Variants in DCLRE1A observed in about 807,000 individuals in gnomAD.
DCLRE1A encodes the protein DNA cross-link repair 1A protein.
DCLRE1A carries 64 observed loss-of-function variants against 91.9 expected under a neutral mutation model. That is an observed-to-expected ratio of 0.70 (90% CI 0.57 to 0.86). The LOEUF is 0.86. Among genes scored for constraint, DCLRE1A ranks in the 40% least tolerant of loss-of-function variants. The pLI, the probability that DCLRE1A is intolerant of heterozygous loss-of-function variation, is 0.00. For missense variants in DCLRE1A, 1,145 were observed against 1,213.3 expected (o/e 0.94, Z 0.84); for synonymous variants, 416 against 431.1 (o/e 0.96, Z 0.43).
At chr10:113,851,879 T>C (rs1214262183) in intron 1 of DCLRE1A, among the ~76,000 whole-genome samples, 1 of 152,232 alleles carries the variant, frequency 6.6e-6, no homozygotes, top group South Asian at 2.1e-4. Flanking sequence ...GGCTAATTTT[T>C]GGTAATTTTT....
intron 1 of DCLRE1A, among the ~76,000 whole-genome samples, chr10:113,851,788 T>G (rs1845654009): frequency 6.6e-6 from 1 of 151,812 alleles, no homozygotes; most frequent in African/African-American, 2.4e-5. Context: ...TGCCCTGGCA[T>G]GATCACAGGG....
At chr10:113,842,228 G>T (rs1845455887) in intron 6 of DCLRE1A, 115 bp downstream of exon 6, 3 of 899,598 alleles carry the variant, frequency 3.3e-6, no homozygotes, top group South Asian at 3.1e-5. Flanking sequence ...AGGTAATATT[G>T]AATCATTACA....
At chr10:113,839,709 G>A (rs1478754303) in intron 7 of DCLRE1A, among the ~76,000 whole-genome samples, 1 of 152,108 alleles carries the variant, frequency 6.6e-6, no homozygotes, top group Non-Finnish European at 1.5e-5. Context: ...TAGTGGGCAG[G>A]AGGTCAGTAA....
intron 5 of DCLRE1A, among the ~76,000 whole-genome samples, chr10:113,843,894 A>G (rs939992903): frequency 1.1e-4 from 17 of 152,272 alleles, no homozygotes; most frequent in Non-Finnish European, 2.9e-5. Context: ...TTTCAAAAAT[A>G]AATCACACAA....
intron 4 of DCLRE1A, among the ~76,000 whole-genome samples, chr10:113,844,924 G>GA (rs1398962065): frequency 7.1e-6 from 1 of 141,254 alleles, no homozygotes; most frequent in African/African-American, 2.7e-5. Context: ...CAAAAAAAGC[G>GA]AAACTCTGTC....
chr10:113,836,122 T>G (rs1482288786), intron 8 of DCLRE1A, among the ~76,000 whole-genome samples: 1 of 152,172 alleles, frequency 6.6e-6, no homozygotes, highest in Non-Finnish European at 1.5e-5. Context: ...CAGTCATGCT[T>G]CTTGTTAAGC....
intron 3 of DCLRE1A, 151 bp from the exon 4 acceptor site, chr10:113,845,954 T>C: frequency 1.4e-6 from 1 of 739,080 alleles, no homozygotes; most frequent in Admixed American, 2.2e-5. Flanking sequence ...TTTCCTATAA[T>C]GGCTGTGCCA....
chr10:113,852,466 T>C (rs1345484847), intron 1 of DCLRE1A, among the ~76,000 whole-genome samples: 1 of 152,258 alleles, frequency 6.6e-6, no homozygotes, highest in Non-Finnish European at 1.5e-5. Context: ...GTACCCAGCA[T>C]AGTAAGGATT....
At chr10:113,852,162 C>T (rs1474320349) in intron 1 of DCLRE1A, among the ~76,000 whole-genome samples, 2 of 152,128 alleles carry the variant, frequency 1.3e-5, no homozygotes, top group East Asian at 1.9e-4. Context: ...CGGCGAAACC[C>T]CGTCTCTACT....
At position 113,844,181 on chromosome 10, in the gene DCLRE1A, T is replaced by TCC; in HGVS notation, c.2440_2441dup (p.Asp815GlufsTer24). 1 of 1,614,148 alleles carries TCC rather than the reference T, an allele frequency of 6.2e-7. No individual in the cohort carries two copies. Among genetic ancestry groups the TCC allele is most frequent in the Non-Finnish European group, 8.5e-7 (1 of 1,180,010 alleles). ...CCATGCTGGGATCTGCTCTGAAGTC[T>TCC]CCCGTGTGTAATATGACAGTACCAT... On this transcript the variant is annotated frameshift_variant, in exon 5 of 9. Transcript: ENST00000361384. LOFTEE classifies it high-confidence loss of function.
At chr10:113,843,979 C>T (rs1403449694) in intron 5 of DCLRE1A, 125 bp downstream of exon 5, 2 of 1,327,710 alleles carry the variant, frequency 1.5e-6, no homozygotes, top group East Asian at 4.8e-5. Flanking sequence ...ATTTTTCAAA[C>T]AGCATCCCTC....
chr10:113,849,132 T>C lies in DCLRE1A; in HGVS notation c.1973A>G (p.Asn658Ser). The C allele has an allele frequency of 6.2e-7, 1 of 1,614,138 alleles. No homozygotes were observed. Among genetic ancestry groups the C allele is most frequent in the Non-Finnish European group, 8.5e-7 (1 of 1,180,024 alleles). ...TAAATTGACTGCTTCAGATTCTGTA[T>C]TAATAAGGTGATCTGATCTCTTCTG... ...ACQKRSDHLI[N>S]TESEAVNLSK... Residue 658 changes from asparagine to serine, a missense_variant, in exon 2 of 9, where the codon AAT becomes AGT. Coordinates refer to ENST00000361384, the MANE Select transcript of DCLRE1A (RefSeq NM_014881.5).
At chr10:113,838,909 T>C (rs753797337) in intron 7 of DCLRE1A, among the ~76,000 whole-genome samples, 1 of 152,154 alleles carries the variant, frequency 6.6e-6, no homozygotes, top group Non-Finnish European at 1.5e-5. Context: ...GAAAACTGTA[T>C]TAGGATTACC....
intron 3 of DCLRE1A, 93 bp downstream of exon 3, chr10:113,847,109 A>C (rs1213122482): frequency 8.2e-7 from 1 of 1,216,116 alleles, no homozygotes; most frequent in Non-Finnish European, 1.1e-6. Flanking sequence ...AGTAGAATGA[A>C]AGATCTTACT....
intron 1 of DCLRE1A, among the ~76,000 whole-genome samples, chr10:113,852,500 T>A (rs1269549415): frequency 1.3e-5 from 2 of 152,226 alleles, no homozygotes; most frequent in Non-Finnish European, 2.9e-5. Flanking sequence ...TGGAAAATAA[T>A]CCAGATACTT....
rs1845690669 is a variant in DCLRE1A, at chr10:113,853,218, T to C, written c.-36A>G. 6 of 1,462,842 alleles carry C rather than the reference T, an allele frequency of 4.1e-6. No individual in the cohort carries two copies. The highest frequency in any genetic ancestry group is 5.1e-4 in the Middle Eastern group (2 of 3,926). The allele number at this position is 1,462,842 out of a possible 1,614,324, so 90.6% of individuals were successfully genotyped here. Reference sequence around the variant, plus strand: ...TTTTATCATTCAAGAAGTATTAATCTTAAGTAAACTGAAAGTCCATTTCTT... The same window carrying C: ...TTTTATCATTCAAGAAGTATTAATCCTAAGTAAACTGAAAGTCCATTTCTT... On this transcript the variant is annotated 5_prime_UTR_variant, in exon 1 of 9. The change abolishes the stop of an existing upstream ORF in the 5' untranslated region. Transcript: ENST00000361384.
chr10:113,845,372 G>A (rs1256151753), intron 4 of DCLRE1A, among the ~76,000 whole-genome samples: 1 of 152,016 alleles, frequency 6.6e-6, no homozygotes, highest in Non-Finnish European at 1.5e-5. Flanking sequence ...TAAAGAAAAT[G>A]GCAAAATGTT....
Position 113,840,923 on chromosome 10 carries a change from T to A in DCLRE1A, c.2820+483A>T, listed in dbSNP as rs143627130. On this transcript the variant is annotated intron_variant, in intron 7 of 8. Transcript: ENST00000361384. Reference sequence around the variant, plus strand: ...TACGTCTTAACTTACACCTTGGAACTAATGCTCAAACTTCCTCTTAGGATA... The same window carrying A: ...TACGTCTTAACTTACACCTTGGAACAAATGCTCAAACTTCCTCTTAGGATA... Among the ~76,000 whole-genome samples, 824 of 152,330 alleles carry A rather than the reference T, an allele frequency of 5.4e-3. 5 individuals carry two copies. The highest frequency in any genetic ancestry group is 0.019 in the African/African-American group (788 of 41,576).
Position 113,837,261 on chromosome 10 carries a change from A to T in DCLRE1A, c.2821-58T>A, listed in dbSNP as rs1365997144. The T allele has an allele frequency of 1.9e-5, 28 of 1,501,922 alleles. No homozygotes were observed. The East Asian group carries it at 6.3e-4, about 34-fold the overall frequency. 93.0% of individuals were successfully genotyped at this position (1,501,922 alleles called of 1,614,324 possible). On this transcript the variant is annotated intron_variant, in intron 7 of 8. Coordinates refer to ENST00000361384, the MANE Select transcript of DCLRE1A (RefSeq NM_014881.5). Reference sequence around the variant, plus strand: ...GGAGACGAGTTATATGGAATAAAACAGACTGATTAAAGATGTTATACTGGC... The same window carrying T: ...GGAGACGAGTTATATGGAATAAAACTGACTGATTAAAGATGTTATACTGGC...
Sources: gnomAD v4.1 joint callset for allele counts (sites outside exome capture counted in the v4.1 genomes callset) on GRCh38, gnomAD v4.1.1 for gene constraint, MANE v1.5 for transcripts, NCBI Gene and HGNC (gene_info 2026-07-23, HGNC 2026-07-21) for gene names.